The following LRMDA variants were observed in gnomAD, a reference collection of about 807,000 sequenced individuals.
LRMDA encodes leucine-rich melanocyte differentiation-associated protein.
LRMDA carries 18 observed loss-of-function variants against 29.8 expected under a neutral mutation model. The observed-to-expected ratio is 0.60, with a 90% confidence interval of 0.42 to 0.90. The LOEUF is 0.90. Ranked by LOEUF, LRMDA falls within the 40% of genes least tolerant of loss-of-function variation. The pLI is 0.00. For missense variants in LRMDA, 273 were observed against 273.9 expected (o/e 1.00, Z 0.02); for synonymous variants, 125 against 109.4 (o/e 1.14, Z -0.89).
At chr10:75,662,391 G>A (rs1462295742) in intron 2 of LRMDA, among the ~76,000 whole-genome samples, 4 of 152,112 alleles carry the variant, frequency 2.6e-5, no homozygotes, top group East Asian at 1.9e-4. Context: ...AAAGCGACAC[G>A]GAAACACATT....
At chr10:76,525,664 T>A (rs1843167485) in intron 6 of LRMDA, among the ~76,000 whole-genome samples, 1 of 152,200 alleles carries the variant, frequency 6.6e-6, no homozygotes, top group African/African-American at 2.4e-5. Context: ...TTTTTTTTGT[T>A]AGTCAGTATG....
At chr10:76,438,692 C>T (rs932510273) in intron 6 of LRMDA, 1 of 152,144 alleles carries the variant, frequency 6.6e-6, no homozygotes, top group Non-Finnish European at 1.5e-5. Flanking sequence ...TAGAGATCTT[C>T]CCAGATACAT....
At chr10:75,532,652 C>G (rs1410939925) in intron 2 of LRMDA, among the ~76,000 whole-genome samples, 2 of 152,056 alleles carry the variant, frequency 1.3e-5, no homozygotes, top group African/African-American at 4.8e-5. Context: ...TGAAGTCCTG[C>G]TTGAGTCATT....
intron 6 of LRMDA, among the ~76,000 whole-genome samples, chr10:76,354,705 G>A (rs975146382): frequency 6.6e-6 from 1 of 152,194 alleles, no homozygotes; most frequent in African/African-American, 2.4e-5. Flanking sequence ...TATAATCATT[G>A]TACATATCTA....
intron 5 of LRMDA, among the ~76,000 whole-genome samples, chr10:76,117,733 A>C (rs1285103175): frequency 6.6e-6 from 1 of 152,222 alleles, no homozygotes; most frequent in Non-Finnish European, 1.5e-5. Context: ...CTGTGAGCTG[A>C]TAGAAAAATT....
At chr10:75,851,370 C>G (rs1351480772) in intron 2 of LRMDA, among the ~76,000 whole-genome samples, 1 of 152,160 alleles carries the variant, frequency 6.6e-6, no homozygotes, top group East Asian at 1.9e-4. Flanking sequence ...CTATTCTTAT[C>G]CTGTTGTGTC....
intron 5 of LRMDA, among the ~76,000 whole-genome samples, chr10:76,248,239 C>T (rs541267653): frequency 2.6e-5 from 4 of 152,178 alleles, no homozygotes; most frequent in Non-Finnish European, 4.4e-5. Flanking sequence ...GGGATGCTGC[C>T]GAACATCCTA....
intron 6 of LRMDA, among the ~76,000 whole-genome samples, chr10:76,512,107 G>A (rs1843014568): frequency 6.6e-6 from 1 of 152,106 alleles, no homozygotes; most frequent in African/African-American, 2.4e-5. Flanking sequence ...TAAGTCTCAC[G>A]AGATCTGATG....
chr10:76,172,442 C>T (rs1418474140), intron 5 of LRMDA, among the ~76,000 whole-genome samples: 1 of 152,134 alleles, frequency 6.6e-6, no homozygotes, highest in African/African-American at 2.4e-5. Context: ...CCTCTGGTCT[C>T]CCTGAGTTGA....
intron 2 of LRMDA, among the ~76,000 whole-genome samples, chr10:75,579,486 A>G (rs1015366895): frequency 6.6e-6 from 1 of 152,246 alleles, no homozygotes; most frequent in Non-Finnish European, 1.5e-5. Flanking sequence ...GAATCCTACC[A>G]GAGGCATAAA....
chr10:76,345,361 C>T (rs1023795515), intron 6 of LRMDA, among the ~76,000 whole-genome samples: 1 of 150,588 alleles, frequency 6.6e-6, no homozygotes, highest in African/African-American at 2.4e-5. Context: ...CGTGAGCCAC[C>T]GCGCCCGGCC....
rs1851846143 is a variant in LRMDA at position 76,221,850 on chromosome 10, A to G, written c.517-102551A>G. On this transcript the variant is annotated intron_variant, in intron 5 of 6. Transcript: ENST00000611255. ...AAAAGAACAAAGCTGGAGGCATCACACTACCTGACTTCAAACTATACTACA... is the reference window on the plus strand; with the variant it reads ...AAAAGAACAAAGCTGGAGGCATCACGCTACCTGACTTCAAACTATACTACA... Among the ~76,000 whole-genome samples the G allele has an allele frequency of 2.6e-5, 4 of 151,880 alleles. No homozygotes were observed. In the South Asian group the frequency reaches 8.3e-4, roughly 32 times the overall value.
chr10:75,982,504 G>A (rs920405954), intron 2 of LRMDA, among the ~76,000 whole-genome samples: 34 of 152,148 alleles, frequency 2.2e-4, no homozygotes, highest in Non-Finnish European at 3.8e-4. Context: ...AGCTTGAGTG[G>A]CCAGTATTCC....
At chr10:75,922,718 A>T (rs545934482) in intron 2 of LRMDA, among the ~76,000 whole-genome samples, 1 of 152,322 alleles carries the variant, frequency 6.6e-6, no homozygotes, top group Admixed American at 6.5e-5. Context: ...CTTCTCAGCA[A>T]TGTCCTGAGG....
chr10:76,336,823 C>T (rs899316527), intron 6 of LRMDA, among the ~76,000 whole-genome samples: 31 of 152,174 alleles, frequency 2.0e-4, no homozygotes, highest in African/African-American at 7.2e-4. Context: ...CAAGGAGAGT[C>T]AAAGAGGATA....
intron 5 of LRMDA, among the ~76,000 whole-genome samples, chr10:76,234,689 C>T (rs1034161982): frequency 9.9e-5 from 15 of 152,162 alleles, no homozygotes; most frequent in Non-Finnish European, 1.8e-4. Context: ...TTCACCTTGC[C>T]CTTTTATGAA....
At chr10:76,150,106 C>T (rs1467338293) in intron 5 of LRMDA, among the ~76,000 whole-genome samples, 1 of 152,180 alleles carries the variant, frequency 6.6e-6, no homozygotes, top group Non-Finnish European at 1.5e-5. Context: ...TTAGAACTAA[C>T]TAAAGGCTGC....
chr10:76,004,092 AT>A (rs1474614173), intron 2 of LRMDA, among the ~76,000 whole-genome samples: 4 of 152,240 alleles, frequency 2.6e-5, no homozygotes, highest in Admixed American at 6.5e-5. Flanking sequence ...TAAAATTCTT[AT>A]CTGTATTAAG....
At chr10:76,150,336 CTT>C (rs1482910373) in intron 5 of LRMDA, among the ~76,000 whole-genome samples, 2 of 152,202 alleles carry the variant, frequency 1.3e-5, no homozygotes, top group Admixed American at 6.5e-5. Flanking sequence ...CCAAACAACT[CTT>C]TTAAAATGTG....
Sources: allele counts gnomAD v4.1 joint callset (sites outside exome capture counted in the v4.1 genomes callset), GRCh38; gene constraint gnomAD v4.1.1; transcripts MANE v1.5; gene names NCBI Gene and HGNC (gene_info 2026-07-23, HGNC 2026-07-21).